Variants in RABGAP1L observed in about 807,000 individuals in gnomAD.
The protein encoded by RABGAP1L is rab GTPase-activating protein 1-like.
In RABGAP1L, 63 loss-of-function variants were observed where a neutral mutation model predicts 137.7. The ratio of observed to expected loss-of-function variants is 0.46; its 90% CI spans 0.37 to 0.56. RABGAP1L has a LOEUF of 0.56. Among genes scored for constraint, RABGAP1L ranks in the 20% least tolerant of loss-of-function variants. The probability of loss-of-function intolerance (pLI) is 0.00; values close to 1 mark genes in which losing one functional copy is unlikely to be tolerated. For synonymous variants in RABGAP1L, 431 were observed against 433.7 expected (o/e 0.99, Z 0.08); for missense variants, 1,095 against 1,244.0 (o/e 0.88, Z 1.80).
chr1:174,509,985 T>C (rs1046074400), intron 13 of RABGAP1L, among the ~76,000 whole-genome samples: 3 of 152,220 alleles, frequency 2.0e-5, no homozygotes, highest in African/African-American at 7.2e-5. Context: ...GCCAGGAGTA[T>C]AGCAGTTGCT....
At chr1:174,519,219 TAC>T (rs34114157) in intron 13 of RABGAP1L, among the ~76,000 whole-genome samples, 99 of 150,662 alleles carry the variant, frequency 6.6e-4, no homozygotes, top group African/African-American at 2.0e-3. Context: ...CATATATATA[TAC>T]ACACACACAC....
intron 18 of RABGAP1L, chr1:174,800,519 G>C: frequency 6.5e-7 from 1 of 1,549,320 alleles, no homozygotes; most frequent in Admixed American, 2.0e-5. Context: ...GTTTTTCATT[G>C]AACTTCATTT....
intron 13 of RABGAP1L, among the ~76,000 whole-genome samples, chr1:174,489,602 A>C (rs1034290790): frequency 1.3e-5 from 2 of 152,162 alleles, no homozygotes; most frequent in African/African-American, 2.4e-5. Flanking sequence ...TAGTTCAACC[A>C]TTGTGGAAGA....
At position 174,716,421 on chromosome 1, in the gene RABGAP1L, G is replaced by A. The variant is rs1306271762; in HGVS notation, c.2169+14165G>A. Among the ~76,000 whole-genome samples, 4 of 152,276 alleles carry A rather than the reference G, an allele frequency of 2.6e-5. No individual in the cohort carries two copies. The East Asian group carries it at 5.8e-4, about 22-fold the overall frequency. On this transcript the variant is annotated intron_variant, in intron 17 of 25. Transcript: ENST00000681986. ...CTCAGTCTCCCAAGTAGCTGGGACTGCAGGTATGCGCCACTGTACCCAGCT... is the reference window on the plus strand; with the variant it reads ...CTCAGTCTCCCAAGTAGCTGGGACTACAGGTATGCGCCACTGTACCCAGCT...
chr1:174,544,029 T>A (rs1051741925), intron 13 of RABGAP1L, among the ~76,000 whole-genome samples: 17 of 152,180 alleles, frequency 1.1e-4, no homozygotes, highest in Non-Finnish European at 2.5e-4. Flanking sequence ...CCCTTAACAT[T>A]TTTTCCTTTA....
At chr1:174,196,417 G>A (rs1336767196) in intron 1 of RABGAP1L, among the ~76,000 whole-genome samples, 1 of 151,522 alleles carries the variant, frequency 6.6e-6, no homozygotes, top group Non-Finnish European at 1.5e-5. Context: ...GTAGAGACGG[G>A]GTTTCGCTGT....
intron 13 of RABGAP1L, among the ~76,000 whole-genome samples, chr1:174,396,709 G>T (rs1169046621): frequency 2.0e-5 from 3 of 152,000 alleles, no homozygotes; most frequent in Non-Finnish European, 4.4e-5. Context: ...AGGGAAAAAT[G>T]TAAAGAATAC....
chr1:174,783,124 T>C (rs1687148373), intron 18 of RABGAP1L, among the ~76,000 whole-genome samples: 1 of 152,176 alleles, frequency 6.6e-6, no homozygotes, highest in South Asian at 2.1e-4. Flanking sequence ...TCCAGCCCTC[T>C]GGATCCTGCA....
chr1:174,202,171 T>C (rs1668158454), intron 1 of RABGAP1L, among the ~76,000 whole-genome samples: 1 of 152,016 alleles, frequency 6.6e-6, no homozygotes, highest in Non-Finnish European at 1.5e-5. Flanking sequence ...TACCCAGTAA[T>C]GGGATGGCTG....
intron 11 of RABGAP1L, among the ~76,000 whole-genome samples, chr1:174,352,462 T>G (rs1242709706): frequency 6.6e-6 from 1 of 152,164 alleles, no homozygotes; most frequent in Non-Finnish European, 1.5e-5. Flanking sequence ...ATGATATGAT[T>G]CTGAATTCTT....
intron 18 of RABGAP1L, among the ~76,000 whole-genome samples, chr1:174,804,285 T>G (rs1339274292): frequency 6.0e-5 from 9 of 151,164 alleles, no homozygotes; most frequent in African/African-American, 7.3e-5. Flanking sequence ...TTTTTTGTTT[T>G]TTTTTTTGAG....
chr1:174,182,914 A>G (rs1666494365), intron 1 of RABGAP1L, among the ~76,000 whole-genome samples: 1 of 152,158 alleles, frequency 6.6e-6, no homozygotes, highest in South Asian at 2.1e-4. Flanking sequence ...AGTTATTTAT[A>G]TTTATTATAG....
intron 13 of RABGAP1L, among the ~76,000 whole-genome samples, chr1:174,473,766 T>C (rs1658198525): frequency 6.6e-6 from 1 of 152,218 alleles, no homozygotes; most frequent in South Asian, 2.1e-4. Flanking sequence ...CTGAGCAGGT[T>C]GAGCTGAAGC....
At chr1:174,687,423 A>T (rs1678559351) in intron 15 of RABGAP1L, among the ~76,000 whole-genome samples, 1 of 152,224 alleles carries the variant, frequency 6.6e-6, no homozygotes, top group African/African-American at 2.4e-5. Flanking sequence ...CAATGAACTG[A>T]TATTCAGCAT....
intron 13 of RABGAP1L, among the ~76,000 whole-genome samples, chr1:174,635,071 A>C (rs1387286215): frequency 6.6e-6 from 1 of 151,620 alleles, no homozygotes; most frequent in Non-Finnish European, 1.5e-5. Context: ...AAATAAAAAA[A>C]GAAAAAAAAG....
chr1:174,624,331 G>GT lies in RABGAP1L; in HGVS notation c.1711-13036dup, dbSNP rs1285387267. The stretch of plus-strand genomic sequence containing the variant: ...TCCCATAGCTAACATTGCCCATATA[G>GT]TTTTTTTTGGCTGTTAGCATATATT... On this transcript the variant is annotated intron_variant, in intron 13 of 25. Coordinates refer to ENST00000681986, the MANE Select transcript of RABGAP1L (RefSeq NM_001366446.1). 3.9e-5 allele frequency among the ~76,000 whole-genome samples: 6 copies of GT among 151,912 alleles called. No homozygotes were observed. The East Asian group carries it at 5.8e-4, about 15-fold the overall frequency.
At chr1:174,353,485 G>C (rs1683366959) in intron 11 of RABGAP1L, among the ~76,000 whole-genome samples, 1 of 152,172 alleles carries the variant, frequency 6.6e-6, no homozygotes, top group Non-Finnish European at 1.5e-5. Flanking sequence ...AGGGATTACA[G>C]TCCTTGTGGC....
intron 1 of RABGAP1L, among the ~76,000 whole-genome samples, chr1:174,201,897 C>T (rs867761289): frequency 1.3e-5 from 2 of 148,608 alleles, no homozygotes; most frequent in Non-Finnish European, 3.0e-5. Context: ...TGAGAACATG[C>T]GGTGTTTGAT....
At chr1:174,943,537 T>C (rs1666232683) in intron 19 of RABGAP1L, among the ~76,000 whole-genome samples, 2 of 152,224 alleles carry the variant, frequency 1.3e-5, no homozygotes. Flanking sequence ...GATTATTTCT[T>C]TTAAGACTTT....
Sources: allele counts gnomAD v4.1 joint callset (sites outside exome capture counted in the v4.1 genomes callset), GRCh38; gene constraint gnomAD v4.1.1; transcripts MANE v1.5; gene names NCBI Gene and HGNC (gene_info 2026-07-23, HGNC 2026-07-21).